The following P2RX7 variants were observed in gnomAD, a reference collection of about 807,000 sequenced individuals.
The protein encoded by P2RX7 is P2X purinoceptor 7.
Under a neutral mutation model 71.6 loss-of-function variants are expected in P2RX7, and 62 were observed. The observed-to-expected ratio is 0.87, with a 90% CI of 0.71 to 1.07. The LOEUF (loss-of-function observed/expected upper bound fraction) is 1.07. Ranked by LOEUF, P2RX7 falls within the 50% of genes least tolerant of loss-of-function variation. The pLI, the probability that P2RX7 is intolerant of heterozygous loss-of-function variation, is 0.00. For synonymous variants in P2RX7, 299 were observed against 283.3 expected (o/e 1.06, Z -0.56); for missense variants, 686 against 748.5 (o/e 0.92, Z 0.97).
intron 1 of P2RX7, among the ~76,000 whole-genome samples, chr12:121,133,378 G>A (rs772491659): frequency 3.3e-5 from 5 of 152,224 alleles, no homozygotes; most frequent in African/African-American, 4.8e-5. Flanking sequence ...GTAGGAAAGC[G>A]CAGGGCAACA....
Position 121,154,633 on chromosome 12 carries a change from TC to T in P2RX7, c.126-149del, listed in dbSNP as rs1423229088. 2.5e-5 allele frequency: 17 copies of T among 669,002 alleles called. No homozygotes were observed. The highest frequency in any genetic ancestry group is 1.1e-5 in the Non-Finnish European group (4 of 369,796). The allele number at this position is 669,002 out of a possible 1,614,324, so 41.4% of individuals were successfully genotyped here. A position where few individuals can be genotyped will look rare whatever the true frequency, so the allele number is the denominator to read the frequency against. ...TCCATGAGGCAGGTATGACTATTCT[TC>T]CCATTATCCAGAGAGGGAAAACAAG... On this transcript the variant is annotated intron_variant, in intron 1 of 12. Coordinates refer to ENST00000328963, the MANE Select transcript of P2RX7 (RefSeq NM_002562.6). This position sits in a 1 kb window ranked among gnomAD's most constrained non-coding sequence, Gnocchi z 4.2.
In P2RX7 at chr12:121,164,328, G is replaced by C. The variant is rs77069950; in HGVS notation, c.534-1029G>C. 4.9e-3 allele frequency among the ~76,000 whole-genome samples: 740 copies of C among 152,276 alleles called. 7 individuals are homozygous for C. The highest frequency in any genetic ancestry group is 0.016 in the African/African-American group (685 of 41,550). On this transcript the variant is annotated intron_variant, in intron 5 of 12. Transcript: ENST00000328963. ...TAGGTGTTAGATATTTATTTCATAC[G>C]TAACTACGCATAAGAGACTTTGCTA...
At position 121,184,905 on chromosome 12, in the gene P2RX7, C is replaced by T. The variant is rs1338257979; in HGVS notation, c.*103C>T. The T allele has an allele frequency of 1.3e-5, 11 of 874,594 alleles. No individual in the cohort carries two copies. Among genetic ancestry groups the T allele is most frequent in the Admixed American group, 5.7e-5 (2 of 35,052 alleles). 54.2% of individuals were successfully genotyped at this position (874,594 alleles called of 1,614,324 possible). A position where few individuals can be genotyped will look rare whatever the true frequency, so the allele number is the denominator to read the frequency against. ...TTGGAGACCCGCCTGGCTAACAAGGCGAAATCCTGTCTGTACTAAAAATAC... is the reference window on the plus strand; with the variant it reads ...TTGGAGACCCGCCTGGCTAACAAGGTGAAATCCTGTCTGTACTAAAAATAC... On this transcript the variant is annotated 3_prime_UTR_variant, in exon 13 of 13. Transcript: ENST00000328963.
Position 121,184,327 on chromosome 12 carries a change from A to G in P2RX7, c.1313A>G (p.Asp438Gly). Residue 438 changes from aspartate (D) to glycine (G), a missense_variant, in exon 13 of 13, where the codon GAT (aspartate) becomes GGT (glycine). Physicochemically the swap from Asp to Gly is moderately conservative, Grantham distance 94 (BLOSUM62 -1). Transcript: ENST00000328963. Reference sequence around the variant, plus strand: ...CAGAGACCTGCGATGGACTTCACAGATTTGTCCAGGCTGCCCCTGGCCCTC... The same window carrying G: ...CAGAGACCTGCGATGGACTTCACAGGTTTGTCCAGGCTGCCCCTGGCCCTC... Reference protein sequence around the residue: ...EVPRPAMDFTDLSRLPLALHD... With the variant: ...EVPRPAMDFTGLSRLPLALHD... 1 of 1,610,784 alleles carries G rather than the reference A, an allele frequency of 6.2e-7. No individual in the cohort carries two copies. Among genetic ancestry groups the G allele is most frequent in the South Asian group, 1.1e-5 (1 of 90,850 alleles).
intron 1 of P2RX7, among the ~76,000 whole-genome samples, chr12:121,151,284 A>G (rs1003111938): frequency 6.6e-6 from 1 of 151,074 alleles, no homozygotes; most frequent in African/African-American, 2.4e-5. Flanking sequence ...GTCTCACTCT[A>G]TCACCCAGGC....
In P2RX7 at chr12:121,183,579, A is replaced by AC. The variant is rs1298142953; in HGVS notation, c.1291-726_1291-725insC. 4.3e-4 allele frequency among the ~76,000 whole-genome samples: 35 copies of AC among 81,842 alleles called. No homozygotes were observed. The East Asian group carries it at 0.015, about 35-fold the overall frequency. 53.7% of individuals were successfully genotyped at this position (81,842 alleles called of 152,430 possible). ...GAGCAAGACTCCATCTCAAAAAAAA[A>AC]AAACAACAAATACACACACACACAC... On this transcript the variant is annotated intron_variant, in intron 12 of 12. Coordinates refer to ENST00000328963, the MANE Select transcript of P2RX7 (RefSeq NM_002562.6).
chr12:121,166,333 C>T, intron 7 of P2RX7, 146 bp downstream of exon 7: 3 of 786,850 alleles, frequency 3.8e-6, no homozygotes, highest in Non-Finnish European at 6.2e-6. Context: ...ACGCTAAGGA[C>T]TTTACCTACC....
At position 121,154,149 on chromosome 12, in the gene P2RX7, G is replaced by A. The variant is rs542921491; in HGVS notation, c.126-636G>A. Among the ~76,000 whole-genome samples the A allele has an allele frequency of 1.3e-5, 2 of 152,036 alleles. No individual in the cohort carries two copies. The highest frequency in any genetic ancestry group is 4.2e-4 in the South Asian group (2 of 4,810). ...GGAATAAAAAAAAAAGAGAGGCTGGGCGCAGTGGCTCACACCTGTAATCCC... is the reference window on the plus strand; with the variant it reads ...GGAATAAAAAAAAAAGAGAGGCTGGACGCAGTGGCTCACACCTGTAATCCC... On this transcript the variant is annotated intron_variant, in intron 1 of 12. Coordinates refer to ENST00000328963, the MANE Select transcript of P2RX7 (RefSeq NM_002562.6). This position sits in a 1 kb window ranked among gnomAD's most constrained non-coding sequence, Gnocchi z 4.2.
intron 8 of P2RX7, among the ~76,000 whole-genome samples, chr12:121,172,534 A>G (rs921324946): frequency 1.3e-5 from 2 of 152,058 alleles, no homozygotes; most frequent in Non-Finnish European, 2.9e-5. Context: ...GGGAGGCTGA[A>G]GTGGGAGGAT....
rs1483365507 is a variant in P2RX7, at chr12:121,167,099, T to C, written c.745-389T>C. On this transcript the variant is annotated intron_variant, in intron 7 of 12. Transcript: ENST00000328963. The stretch of plus-strand genomic sequence containing the variant: ...TCATGTATTCGCATCTGCAAAGAGC[T>C]TTCCCTAGGGGAGTACTAGGAGGTA... 3.3e-5 allele frequency among the ~76,000 whole-genome samples: 5 copies of C among 151,724 alleles called. No homozygotes were observed. In the East Asian group the frequency reaches 7.7e-4, roughly 23 times the overall value.
rs1872754871 is a variant in P2RX7, at chr12:121,133,047, A to G, written c.77A>G (p.Tyr26Cys). 1 of 1,614,062 alleles carries G rather than the reference A, an allele frequency of 6.2e-7. No individual in the cohort carries two copies. Among genetic ancestry groups the G allele is most frequent in the Non-Finnish European group, 8.5e-7 (1 of 1,179,986 alleles). ...NKVTRIQSMNYGTIKWFFHVI... is the reference protein window; with the variant it reads ...NKVTRIQSMNCGTIKWFFHVI... ...GTCACTCGGATCCAGAGCATGAATT[A>G]TGGCACCATTAAGTGGTTCTTCCAC... Residue 26 changes from tyrosine to cysteine, a missense_variant, in exon 1 of 13, where the codon TAT becomes TGT. Transcript: ENST00000328963.
chr12:121,150,630 C>T (rs942432860), intron 1 of P2RX7, among the ~76,000 whole-genome samples: 1 of 152,148 alleles, frequency 6.6e-6, no homozygotes, highest in Non-Finnish European at 1.5e-5. Flanking sequence ...AAATGTTGGC[C>T]GTGTGCACTG....
chr12:121,141,073 G>A (rs1874737631), intron 1 of P2RX7, among the ~76,000 whole-genome samples: 1 of 152,102 alleles, frequency 6.6e-6, no homozygotes. Context: ...GCAACAGAGT[G>A]AGACCCCATA....
At chr12:121,180,489 T>TA in intron 12 of P2RX7, 34 bp downstream of exon 12, 1 of 1,013,766 alleles carries the variant, frequency 9.9e-7, no homozygotes, top group Non-Finnish European at 1.5e-6. Flanking sequence ...TTTTTTTTTT[T>TA]AAGAAAATTT....
In P2RX7 at chr12:121,167,569, C is replaced by T. The variant is rs769736394; in HGVS notation, c.826C>T (p.Arg276Cys). 39 of 1,612,384 alleles carry T rather than the reference C, an allele frequency of 2.4e-5. No homozygotes were observed. The highest frequency in any genetic ancestry group is 2.9e-5 in the Non-Finnish European group (34 of 1,179,242). The change falls in exon 8 of 13, where the codon CGT (arginine) becomes TGT (cysteine). Residue 276 changes from arginine to cysteine, a missense_variant. Coordinates refer to ENST00000328963, the MANE Select transcript of P2RX7 (RefSeq NM_002562.6). Reference protein sequence around the residue: ...FHHCRPKYSFRRLDDKTTNVS... With the variant: ...FHHCRPKYSFCRLDDKTTNVS... Reference sequence around the variant, plus strand: ...TCACTGCCGTCCCAAATACAGTTTCCGTCGCCTTGACGACAAGACCACCAA... The same window carrying T: ...TCACTGCCGTCCCAAATACAGTTTCTGTCGCCTTGACGACAAGACCACCAA...
chr12:121,164,291 A>G (rs1482863446), intron 5 of P2RX7, among the ~76,000 whole-genome samples: 1 of 152,240 alleles, frequency 6.6e-6, no homozygotes, highest in Admixed American at 6.5e-5. Flanking sequence ...CAACACATCC[A>G]TCACCACGTA....
chr12:121,147,592 A>AG (rs749388845), intron 1 of P2RX7, among the ~76,000 whole-genome samples: 2 of 119,534 alleles, frequency 1.7e-5, no homozygotes, highest in African/African-American at 5.3e-5. Flanking sequence ...CAAAATGGGC[A>AG]GTTTTTTTTG....
intron 5 of P2RX7, 42 bp downstream of exon 5, chr12:121,162,562 G>A (rs967227119): frequency 6.2e-6 from 10 of 1,602,736 alleles, no homozygotes; most frequent in East Asian, 4.5e-5. Context: ...CCTCAGCGGC[G>A]ACCAGATGAG....
chr12:121,172,563 G>A lies in P2RX7; in HGVS notation c.882-2825G>A, dbSNP rs369950764. Reference sequence around the variant, plus strand: ...GGAGGATGACTTGAGCCCGGGAGGCGGAGGCCACAGTGAGCTGTGTTCAAG... The same window carrying A: ...GGAGGATGACTTGAGCCCGGGAGGCAGAGGCCACAGTGAGCTGTGTTCAAG... On this transcript the variant is annotated intron_variant, in intron 8 of 12. Transcript: ENST00000328963. Among the ~76,000 whole-genome samples the A allele has an allele frequency of 1.4e-3, 214 of 152,262 alleles. 2 individuals are homozygous for A. Among genetic ancestry groups the A allele is most frequent in the African/African-American group, 4.4e-3 (181 of 41,548 alleles).
Sources: allele counts gnomAD v4.1 joint callset (sites outside exome capture counted in the v4.1 genomes callset), GRCh38; gene constraint gnomAD v4.1.1; non-coding constraint Gnocchi (gnomAD v3.1); transcripts MANE v1.5; gene names NCBI Gene and HGNC (gene_info 2026-07-23, HGNC 2026-07-21).